The following DOP1B variants were observed in gnomAD, a reference collection of about 807,000 sequenced individuals.
DOP1B encodes the protein protein DOP1B.
Under a neutral mutation model 233.5 loss-of-function variants are expected in DOP1B, and 174 were observed. The observed-to-expected ratio is 0.75, with a 90% CI of 0.66 to 0.85. The LOEUF is 0.85. Ranked by LOEUF, DOP1B falls within the 40% of genes least tolerant of loss-of-function variation. DOP1B has a pLI of 0.00. For missense variants in DOP1B, 2,652 were observed against 2,846.6 expected (o/e 0.93, Z 1.56); for synonymous variants, 1,190 against 1,185.6 (o/e 1.00, Z -0.08).
intron 31 of DOP1B, among the ~76,000 whole-genome samples, chr21:36,280,706 A>G (rs1406681665): frequency 6.6e-6 from 1 of 152,166 alleles, no homozygotes; most frequent in Non-Finnish European, 1.5e-5. Flanking sequence ...AAGTATCATT[A>G]AAGAAATAAG....
intron 12 of DOP1B, among the ~76,000 whole-genome samples, chr21:36,226,594 C>T (rs993068871): frequency 6.0e-5 from 9 of 150,860 alleles, no homozygotes; most frequent in Non-Finnish European, 1.2e-4. Flanking sequence ...CCACCATGCC[C>T]ATCCTCTTTT....
At chr21:36,171,763 C>T (rs1360969493) in intron 2 of DOP1B, among the ~76,000 whole-genome samples, 1 of 152,146 alleles carries the variant, frequency 6.6e-6, no homozygotes, top group Non-Finnish European at 1.5e-5. Flanking sequence ...TTGAAGCCAC[C>T]TGGTGTGTGG....
intron 21 of DOP1B, among the ~76,000 whole-genome samples, chr21:36,249,508 T>C (rs2123602976): frequency 6.6e-6 from 1 of 152,236 alleles, no homozygotes. Flanking sequence ...CAGCCTTGAG[T>C]CTCTAAAGCA....
intron 2 of DOP1B, chr21:36,169,253 G>A (rs2065947131): frequency 2.3e-6 from 2 of 888,318 alleles, no homozygotes; most frequent in Non-Finnish European, 3.8e-6. Flanking sequence ...GCTCTTGTCA[G>A]ACAGGTCATA....
intron 21 of DOP1B, 152 bp downstream of exon 21, chr21:36,248,720 ATCAG>A (rs2066998214): frequency 1.3e-6 from 1 of 769,124 alleles, no homozygotes; most frequent in Non-Finnish European, 1.9e-6. Context: ...TTCATTTGTT[ATCAG>A]TAAGTTTCCT....
At chr21:36,254,679 T>A (rs527859698) in intron 23 of DOP1B, among the ~76,000 whole-genome samples, 9 of 152,184 alleles carry the variant, frequency 5.9e-5, no homozygotes, top group Admixed American at 3.9e-4. Flanking sequence ...AGAGAAAGTA[T>A]TTATCATTGT....
At chr21:36,208,660 G>C in intron 4 of DOP1B, 55 bp from the exon 5 acceptor site, 1 of 1,570,230 alleles carries the variant, frequency 6.4e-7, no homozygotes, top group Non-Finnish European at 8.7e-7. Flanking sequence ...GCAGTGTGCA[G>C]TGGGACTCGG....
intron 2 of DOP1B, chr21:36,170,152 C>A: frequency 2.0e-6 from 1 of 505,632 alleles, no homozygotes; most frequent in South Asian, 2.0e-5. Context: ...GGACCCATGT[C>A]TGGGAGTGGA....
chr21:36,288,225 AT>A (rs1392093287), intron 33 of DOP1B, 75 bp downstream of exon 33: 12 of 1,396,032 alleles, frequency 8.6e-6, no homozygotes, highest in Middle Eastern at 3.8e-4. Flanking sequence ...ATAACGTACT[AT>A]TTCCTATGTA....
chr21:36,253,323 T>C (rs1183405692), intron 22 of DOP1B, among the ~76,000 whole-genome samples: 2 of 152,238 alleles, frequency 1.3e-5, no homozygotes, highest in African/African-American at 4.8e-5. Flanking sequence ...TACAGCCCCA[T>C]CATGGCCTGC....
intron 15 of DOP1B, among the ~76,000 whole-genome samples, chr21:36,234,740 C>T (rs2066807120): frequency 6.6e-6 from 1 of 152,022 alleles, no homozygotes; most frequent in African/African-American, 2.4e-5. Context: ...GGGGTTTTAC[C>T]ATATTGGCCA....
intron 32 of DOP1B, among the ~76,000 whole-genome samples, chr21:36,286,759 AAAAG>A (rs1306599100): frequency 1.3e-5 from 2 of 151,974 alleles, no homozygotes; most frequent in African/African-American, 2.4e-5. Context: ...GTCAGGAGTT[AAAAG>A]ATCAGCCTGG....
chr21:36,161,445 T>C (rs2065868733), intron 1 of DOP1B, among the ~76,000 whole-genome samples: 1 of 152,092 alleles, frequency 6.6e-6, no homozygotes, highest in Non-Finnish European at 1.5e-5. Flanking sequence ...CCTAGTTTTA[T>C]TTTTTTTAAC....
Position 36,249,754 on chromosome 21 carries a change from C to T in DOP1B, c.4998+1186C>T, listed in dbSNP as rs149254114. ...TGTGGCATCTCAGAATTATCTGCCA[C>T]ATCTGACATCAGTTGAGAGCCCCCA... On this transcript the variant is annotated intron_variant, in intron 21 of 36. Transcript: ENST00000691173. Among the ~76,000 whole-genome samples the T allele has an allele frequency of 4.7e-3, 716 of 152,286 alleles. 4 individuals carry two copies. Among genetic ancestry groups the T allele is most frequent in the African/African-American group, 0.016 (672 of 41,562 alleles).
intron 1 of DOP1B, among the ~76,000 whole-genome samples, chr21:36,162,075 C>A (rs1460504304): frequency 6.6e-6 from 1 of 152,138 alleles, no homozygotes; most frequent in African/African-American, 2.4e-5. Context: ...GTAGTGTATT[C>A]CTATAGTTCT....
Position 36,290,251 on chromosome 21 carries a change from G to A in DOP1B, c.6515+1045G>A, listed in dbSNP as rs1036798453. Among the ~76,000 whole-genome samples, 2 of 152,252 alleles carry A rather than the reference G, an allele frequency of 1.3e-5. 1 individual carries two copies. The highest frequency in any genetic ancestry group is 4.1e-4 in the South Asian group (2 of 4,836). On this transcript the variant is annotated intron_variant, in intron 35 of 36. Transcript: ENST00000691173. Reference sequence around the variant, plus strand: ...TTTAAAAAGCAGGTTTGGGCCGGACGTGGTGTCTCATACGTGTAATACTAG... The same window carrying A: ...TTTAAAAAGCAGGTTTGGGCCGGACATGGTGTCTCATACGTGTAATACTAG...
At position 36,266,689 on chromosome 21, in the gene DOP1B, T is replaced by C. The variant is rs569764358; in HGVS notation, c.5487+2875T>C. Among the ~76,000 whole-genome samples, 3 of 152,308 alleles carry C rather than the reference T, an allele frequency of 2.0e-5. No individual in the cohort carries two copies. In the East Asian group the frequency reaches 5.8e-4, roughly 29 times the overall value. Reference sequence around the variant, plus strand: ...GCATGATGGATTAAATCACTGGTCATTGGTGATCAATTTAACCTTTAGCCC... The same window carrying C: ...GCATGATGGATTAAATCACTGGTCACTGGTGATCAATTTAACCTTTAGCCC... On this transcript the variant is annotated intron_variant, in intron 26 of 36. Transcript: ENST00000691173.
chr21:36,288,322 T>C (rs2067512835), intron 33 of DOP1B, among the ~76,000 whole-genome samples, 172 bp downstream of exon 33: 1 of 152,202 alleles, frequency 6.6e-6, no homozygotes, highest in African/African-American at 2.4e-5. Context: ...TACTCTATGA[T>C]CATATTTGAT....
chr21:36,227,420 A>T (rs371136587), intron 12 of DOP1B, among the ~76,000 whole-genome samples: 6 of 138,150 alleles, frequency 4.3e-5, no homozygotes, highest in Non-Finnish European at 9.4e-5. Flanking sequence ...GGTGGTGGGC[A>T]CCTGTAGTCC....
Sources: allele counts gnomAD v4.1 joint callset (sites outside exome capture counted in the v4.1 genomes callset), GRCh38; gene constraint gnomAD v4.1.1; transcripts MANE v1.5; gene names NCBI Gene and HGNC (gene_info 2026-07-23, HGNC 2026-07-21).